Variants in CRLF2 observed in about 807,000 individuals in gnomAD.
The protein encoded by CRLF2 is cytokine receptor-like factor 2.
Under a neutral mutation model 38.7 loss-of-function variants are expected in CRLF2, and 41 were observed. That is an observed-to-expected ratio of 1.06 (90% CI 0.83 to 1.37). The LOEUF (loss-of-function observed/expected upper bound fraction) is 1.37, where lower values mean the gene tolerates loss of function less well. Ranked by LOEUF, CRLF2 falls within the 40% of genes most tolerant of loss-of-function variation. The pLI is 0.00. For missense variants in CRLF2, 377 were observed against 322.2 expected (o/e 1.17, Z -1.30); for synonymous variants, 140 against 128.8 (o/e 1.09, Z -0.59).
chrX:1,192,760 CTTTCT>C (rs2086415129), intron 7 of CRLF2, among the ~76,000 whole-genome samples: 10 of 113,336 alleles, frequency 8.8e-5, no homozygotes, highest in Non-Finnish European at 1.2e-4. Flanking sequence ...TTCTTTCTTT[CTTTCT>C]TTCCTTCCTT....
In CRLF2 at chrX:1,210,336, CAG is replaced by C. The variant is rs1187433008; in HGVS notation, c.80-1430_80-1429del. Among the ~76,000 whole-genome samples the C allele has an allele frequency of 6.6e-5, 10 of 152,010 alleles. No homozygotes were observed. In the South Asian group the frequency reaches 1.7e-3, roughly 25 times the overall value. ...CAAGTCTCTTTTTTTTATTTTGAGA[CAG>C]AGTCTCGCTCTGTCGCCCACGCTGG... On this transcript the variant is annotated intron_variant, in intron 1 of 7. Coordinates refer to ENST00000400841, the MANE Select transcript of CRLF2 (RefSeq NM_022148.4).
intron 6 of CRLF2, among the ~76,000 whole-genome samples, chrX:1,193,781 CAAAAAAA>C (rs1176813644): frequency 6.8e-5 from 4 of 58,966 alleles, no homozygotes; most frequent in South Asian, 8.1e-4. Context: ...GACTCCATCT[CAAAAAAA>C]AAAAAAAAAA....
Position 1,191,330 on chromosome X carries a change from TTTCTTTCTTTCTTTCC to T in CRLF2, c.853-186_853-171del, listed in dbSNP as rs1243733233. Among the ~76,000 whole-genome samples the T allele has an allele frequency of 8.9e-4, 105 of 118,274 alleles. 3 individuals carry two copies. The highest frequency in any genetic ancestry group is 2.8e-3 in the African/African-American group (91 of 32,746). The allele number at this position is 118,274 out of a possible 152,430, so 77.6% of individuals were successfully genotyped here. ...CTTTCTTTCTTTCTTTCTTTCTTTC[TTTCTTTCTTTCTTTCC>T]TTCTTTCTTTCTTTCCTTTCTTTCT... On this transcript the variant is annotated intron_variant, in intron 7 of 7. Coordinates refer to ENST00000400841, the MANE Select transcript of CRLF2 (RefSeq NM_022148.4).
chrX:1,209,213 C>T (rs372465058), intron 1 of CRLF2, among the ~76,000 whole-genome samples: 10 of 151,656 alleles, frequency 6.6e-5, no homozygotes, highest in African/African-American at 1.9e-4. Context: ...ATGATCCACC[C>T]GCCTCGGCCT....
At chrX:1,212,274 G>T (rs113563164) in intron 1 of CRLF2, among the ~76,000 whole-genome samples, 7 of 151,324 alleles carry the variant, frequency 4.6e-5, no homozygotes, top group African/African-American at 1.7e-4. Context: ...CACACATACA[G>T]TTCCTAGTTC....
chrX:1,196,372 G>C (rs1417674892), intron 6 of CRLF2, among the ~76,000 whole-genome samples: 1 of 151,798 alleles, frequency 6.6e-6, no homozygotes, highest in Admixed American at 6.6e-5. Context: ...ATTTTTATTA[G>C]AGACGGGGTT....
At chrX:1,206,642 G>A (rs747356224) in intron 2 of CRLF2, 43 bp from the exon 3 acceptor site, 2 of 1,593,758 alleles carry the variant, frequency 1.3e-6, no homozygotes, top group Non-Finnish European at 1.7e-6. Flanking sequence ...AAACAAAAAA[G>A]CATGTCTTAT....
chrX:1,197,278 AGAT>A (rs1219817300), intron 5 of CRLF2, among the ~76,000 whole-genome samples: 4 of 142,932 alleles, frequency 2.8e-5, no homozygotes, highest in African/African-American at 1.0e-4. Context: ...TTTTTAGTAG[AGAT>A]GGACCTATTT....
intron 4 of CRLF2, 137 bp from the exon 5 acceptor site, chrX:1,198,861 C>T (rs2086550311): frequency 1.2e-6 from 1 of 868,748 alleles, no homozygotes; most frequent in East Asian, 2.7e-5. Flanking sequence ...AAGAATGGAG[C>T]CGCGAGGCCG....
chrX:1,194,892 T>C (rs1228418958), intron 6 of CRLF2, among the ~76,000 whole-genome samples: 13 of 151,806 alleles, frequency 8.6e-5, no homozygotes, highest in African/African-American at 2.4e-4. Flanking sequence ...ATTAGCCAGG[T>C]GTGGTGGCGC....
intron 6 of CRLF2, among the ~76,000 whole-genome samples, chrX:1,195,702 G>A (rs1308854631): frequency 2.9e-4 from 42 of 143,980 alleles, no homozygotes; most frequent in African/African-American, 9.3e-4. Context: ...CTCAGCCTCC[G>A]GAGCAGCTGG....
chrX:1,193,954 C>T (rs2086437722), intron 6 of CRLF2, among the ~76,000 whole-genome samples: 1 of 150,620 alleles, frequency 6.6e-6, no homozygotes, highest in Admixed American at 6.6e-5. Flanking sequence ...GAGCGAGACT[C>T]CGTCTCAAAA....
chrX:1,202,468 A>G lies in CRLF2; in HGVS notation c.417T>C (p.Ser139=), dbSNP rs1336844443. 1 of 1,613,636 alleles carries G rather than the reference A, an allele frequency of 6.2e-7. No individual in the cohort carries two copies. The highest frequency in any genetic ancestry group is 1.3e-5 in the African/African-American group (1 of 74,922). Residue 139 remains serine (S), a synonymous_variant, in exon 4 of 8, where the codon TCT becomes TCC. Transcript: ENST00000400841. ...AGAGGAGATCCCCGTAGGACAGGTC[A>G]GAACACGTCACCGTCACTGCATCCT... ...WHQDAVTVTC[S]DLSYGDLLYE...
intron 2 of CRLF2, among the ~76,000 whole-genome samples, chrX:1,207,905 C>G (rs2086721458): frequency 6.6e-6 from 1 of 152,174 alleles, no homozygotes; most frequent in Non-Finnish European, 1.5e-5. Flanking sequence ...CCACCTCGGT[C>G]TCCCAACGGT....
chrX:1,206,847 T>A (rs1448723383), intron 2 of CRLF2, among the ~76,000 whole-genome samples: 4 of 151,486 alleles, frequency 2.6e-5, no homozygotes, highest in Non-Finnish European at 4.4e-5. Context: ...TTCACCATGT[T>A]GGGGCCAGGC....
At position 1,198,750 on chromosome X, in the gene CRLF2, C is replaced by T. The variant is rs756331588; in HGVS notation, c.484-26G>A. On this transcript the variant is annotated intron_variant, in intron 4 of 7. Transcript: ENST00000400841. ...CTGGAGAAACATACACACACACACA[C>T]ACACACACACACACACACACACACA... 1,952 of 1,261,368 alleles carry T rather than the reference C, an allele frequency of 1.5e-3. 30 individuals carry two copies. In the African/African-American group the frequency reaches 0.021, roughly 14 times the overall value. The allele number at this position is 1,261,368 out of a possible 1,614,324, so 78.1% of individuals were successfully genotyped here.
intron 6 of CRLF2, among the ~76,000 whole-genome samples, chrX:1,193,606 C>T (rs2086430541): frequency 6.6e-6 from 1 of 151,288 alleles, no homozygotes; most frequent in African/African-American, 2.4e-5. Context: ...GGTGAAATCC[C>T]CTCTCTAATA....
intron 3 of CRLF2, among the ~76,000 whole-genome samples, chrX:1,206,171 C>T (rs1160003027): frequency 3.3e-5 from 5 of 151,952 alleles, no homozygotes; most frequent in African/African-American, 1.2e-4. Context: ...CGGTAATAAG[C>T]TGAAGGAAGT....
At chrX:1,191,754 C>G (rs1266900813) in intron 7 of CRLF2, among the ~76,000 whole-genome samples, 1 of 151,336 alleles carries the variant, frequency 6.6e-6, no homozygotes, top group Non-Finnish European at 1.5e-5. Context: ...TGGACTCGAA[C>G]TCCCGACCTC....
Sources: allele counts gnomAD v4.1 joint callset (sites outside exome capture counted in the v4.1 genomes callset), GRCh38; gene constraint gnomAD v4.1.1; transcripts MANE v1.5; gene names NCBI Gene and HGNC (gene_info 2026-07-23, HGNC 2026-07-21).